The following CNTNAP3 variants were observed in gnomAD, a reference collection of about 807,000 sequenced individuals.
CNTNAP3 encodes contactin associated protein family member 3.
In CNTNAP3, 36 loss-of-function variants were observed where a neutral mutation model predicts 92.1. That is an observed-to-expected ratio of 0.39 (90% CI 0.30 to 0.52). The LOEUF is 0.52. Among genes scored for constraint, CNTNAP3 ranks in the 20% least tolerant of loss-of-function variants. The pLI is 0.76. For synonymous variants in CNTNAP3, 232 were observed against 422.3 expected (o/e 0.55, Z 5.53); for missense variants, 534 against 1,069.6 (o/e 0.50, Z 6.98).
intron 23 of CNTNAP3, among the ~76,000 whole-genome samples, chr9:39,075,051 A>T (rs536751845): frequency 1.3e-5 from 2 of 152,314 alleles, no homozygotes; most frequent in Non-Finnish European, 2.9e-5. Flanking sequence ...TACAGGCGTG[A>T]GCCACCGCGC....
intron 1 of CNTNAP3, among the ~76,000 whole-genome samples, chr9:39,283,832 G>GT (rs1380599833): frequency 2.2e-4 from 1 of 4,528 alleles, no homozygotes; most frequent in African/African-American, 2.4e-4. Context: ...TCTCATAACT[G>GT]TTTTTTTTTC....
At chr9:39,076,528 T>G (rs1177946471) in intron 23 of CNTNAP3, among the ~76,000 whole-genome samples, 40 of 152,354 alleles carry the variant, frequency 2.6e-4, no homozygotes, top group African/African-American at 9.1e-4. Context: ...ATTGAGATAG[T>G]GATGGAAATG....
In CNTNAP3 at chr9:39,100,054, G is replaced by A. The variant is rs201370424; in HGVS notation, c.2852C>T (p.Thr951Met). The change falls in exon 18 of 24, where the codon ACG becomes ATG. Residue 951 changes from threonine (T) to methionine (M), a missense_variant. By Grantham distance (81) the Thr-to-Met change is moderately conservative. Transcript: ENST00000297668. ...TGCACACCCTGGCTCCACTCCTGGC[G>A]TCACTGTGGCTCTTTCTTCCAGATC... The part of the protein sequence containing the change: ...ALDLEERATV[T>M]PGVEPGCAGH... 88 of 1,580,426 alleles carry A rather than the reference G, an allele frequency of 5.6e-5. 1 individual carries two copies. The highest frequency in any genetic ancestry group is 2.3e-4 in the Middle Eastern group (1 of 4,398).
At chr9:39,114,152 GGCTCACTGTAA>G (rs1341218586) in intron 14 of CNTNAP3, among the ~76,000 whole-genome samples, 2 of 142,222 alleles carry the variant, frequency 1.4e-5, no homozygotes, top group African/African-American at 5.3e-5. Context: ...GTGTGATCTT[GGCTCACTGTAA>G]GCTCTGCCTT....
At chr9:39,102,845 T>G in intron 16 of CNTNAP3, 130 bp from the exon 17 acceptor site, 2 of 1,309,498 alleles carry the variant, frequency 1.5e-6, no homozygotes, top group Non-Finnish European at 2.1e-6. Flanking sequence ...AAAACGGGAC[T>G]GTGAGTTGGG....
At chr9:39,123,122 T>A (rs1367697756) in intron 13 of CNTNAP3, among the ~76,000 whole-genome samples, 1 of 136,816 alleles carries the variant, frequency 7.3e-6, no homozygotes, top group Non-Finnish European at 1.5e-5. Context: ...TGAGATGGAG[T>A]CTCTCTCTGT....
At position 39,260,541 on chromosome 9, in the gene CNTNAP3, C is replaced by A. The variant is rs1224337979; in HGVS notation, c.196+6355G>T. On this transcript the variant is annotated intron_variant, in intron 2 of 23. Coordinates refer to ENST00000297668, the MANE Select transcript of CNTNAP3 (RefSeq NM_033655.5). Reference sequence around the variant, plus strand: ...CCATCCTGGCTAACATGGTGAAACCCCGTCTCTACTAAAAATACAAAAAAA... The same window carrying A: ...CCATCCTGGCTAACATGGTGAAACCACGTCTCTACTAAAAATACAAAAAAA... 1.2e-4 allele frequency among the ~76,000 whole-genome samples: 2 copies of A among 17,164 alleles called. 1 individual carries two copies. Among genetic ancestry groups the A allele is most frequent in the African/African-American group, 3.6e-4 (2 of 5,606 alleles). 11.3% of individuals were successfully genotyped at this position (17,164 alleles called of 152,430 possible).
intron 11 of CNTNAP3, among the ~76,000 whole-genome samples, chr9:39,143,658 T>C (rs574308032): frequency 6.6e-6 from 1 of 152,156 alleles, no homozygotes; most frequent in Non-Finnish European, 1.5e-5. Context: ...TTTACACTTA[T>C]TCACTTTACA....
chr9:39,117,449 T>C (rs1167431624), intron 14 of CNTNAP3, among the ~76,000 whole-genome samples: 1 of 152,102 alleles, frequency 6.6e-6, no homozygotes, highest in Non-Finnish European at 1.5e-5. Context: ...CAAAAAGAAC[T>C]TCTGAAAAAA....
chr9:39,124,075 A>C (rs1821100210), intron 13 of CNTNAP3, among the ~76,000 whole-genome samples: 1 of 152,076 alleles, frequency 6.6e-6, no homozygotes. Flanking sequence ...GCTCTAAATA[A>C]TACTAACAAT....
In CNTNAP3 at chr9:39,109,160, G is replaced by C. The variant is rs1183922955; in HGVS notation, c.2365C>G (p.Gln789Glu). The C allele has an allele frequency of 2.5e-6, 4 of 1,609,416 alleles. No homozygotes were observed. The highest frequency in any genetic ancestry group is 3.4e-6 in the Non-Finnish European group (4 of 1,178,802). ...AAAGCTTTTTCTTGACACTACTTAC[G>C]ATCTCCGCGGCAGAGCAGTGGCCCC... ...TLGPLLCRGD[Q>E]SFWNSASFNT... Residue 789 changes from glutamine (Q) to glutamate (E), a missense_variant and splice_region_variant, in exon 15 of 24, where the codon CAG (glutamine) becomes GAG (glutamate). Transcript: ENST00000297668.
Position 39,162,733 on chromosome 9 carries a change from T to C in CNTNAP3, c.1477+3200A>G, listed in dbSNP as rs1252292727. 4.2e-5 allele frequency among the ~76,000 whole-genome samples: 6 copies of C among 141,584 alleles called. 1 individual carries two copies. The highest frequency in any genetic ancestry group is 4.2e-4 in the East Asian group (2 of 4,784). 92.9% of individuals were successfully genotyped at this position (141,584 alleles called of 152,430 possible). On this transcript the variant is annotated intron_variant, in intron 9 of 23. Transcript: ENST00000297668. ...CACAGGAACAGAAAACCAAATACCA[T>C]GTATTCTGACTTAGGAGTGGGAGCT...
intron 14 of CNTNAP3, among the ~76,000 whole-genome samples, 192 bp from the exon 15 acceptor site, chr9:39,109,479 C>A (rs181652767): frequency 8.5e-5 from 13 of 152,172 alleles, no homozygotes; most frequent in African/African-American, 3.1e-4. Flanking sequence ...GTGTAAAGGA[C>A]CATACAGCAA....
chr9:39,134,347 A>C (rs2118058700), intron 12 of CNTNAP3, among the ~76,000 whole-genome samples: 1 of 152,184 alleles, frequency 6.6e-6, no homozygotes, highest in Non-Finnish European at 1.5e-5. Flanking sequence ...AGGAGGCTCT[A>C]AGTGTGCCTA....
rs1219916588 is a variant in CNTNAP3, at chr9:39,067,375, C to T, written c.*6515G>A. Among the ~76,000 whole-genome samples, 128 of 152,016 alleles carry T rather than the reference C, an allele frequency of 8.4e-4. No individual in the cohort carries two copies. The highest frequency in any genetic ancestry group is 2.7e-3 in the African/African-American group (112 of 41,256). On this transcript the variant is annotated 3_prime_UTR_variant, in exon 24 of 24. Transcript: ENST00000297668. ...CACTTGGTAATTTTTTATTGTATACCAGACATTGTGATTTTACCTCGTTGG... is the reference window on the plus strand; with the variant it reads ...CACTTGGTAATTTTTTATTGTATACTAGACATTGTGATTTTACCTCGTTGG...
Position 39,085,899 on chromosome 9 carries a change from G to A in CNTNAP3, c.3355-76C>T, listed in dbSNP as rs998645107. The A allele has an allele frequency of 1.5e-4, 190 of 1,282,662 alleles. 3 individuals are homozygous for A. The highest frequency in any genetic ancestry group is 1.9e-4 in the Non-Finnish European group (170 of 888,606). The allele number at this position is 1,282,662 out of a possible 1,614,324, so 79.5% of individuals were successfully genotyped here. A position where few individuals can be genotyped will look rare whatever the true frequency, so the allele number is the denominator to read the frequency against. ...TGATAAGGAAGCAAAGGAAGATGAG[G>A]AAAGGAAAGATGAAAATAAATCACT... On this transcript the variant is annotated intron_variant, in intron 20 of 23. Coordinates refer to ENST00000297668, the MANE Select transcript of CNTNAP3 (RefSeq NM_033655.5).
rs565127636 is a variant in CNTNAP3 at position 39,109,401 on chromosome 9, T to G, written c.2238-114A>C. The G allele has an allele frequency of 8.3e-4, 1,230 of 1,477,914 alleles. 8 individuals are homozygous for G. The African/African-American group carries it at 0.015, about 18-fold the overall frequency. The allele number at this position is 1,477,914 out of a possible 1,614,324, so 91.6% of individuals were successfully genotyped here. A position where few individuals can be genotyped will look rare whatever the true frequency, so the allele number is the denominator to read the frequency against. On this transcript the variant is annotated intron_variant, in intron 14 of 23. Coordinates refer to ENST00000297668, the MANE Select transcript of CNTNAP3 (RefSeq NM_033655.5). ...ACATCATAGAGCTTAACAGAATACT[T>G]AACATTTTCAATATTTTGAGAGCAC... is the stretch of plus-strand genomic sequence containing the variant.
In CNTNAP3 at chr9:39,067,908, T is replaced by C. The variant is rs1825544858; in HGVS notation, c.*5982A>G. Among the ~76,000 whole-genome samples the C allele has an allele frequency of 6.6e-6, 1 of 152,310 alleles. No individual in the cohort carries two copies. On this transcript the variant is annotated 3_prime_UTR_variant, in exon 24 of 24. Transcript: ENST00000297668. ...ATGCCCTATTAATTATGGGGATTTC[T>C]GGTATAGCCCATGGCAACCACCTCT...
chr9:39,151,398 C>CA lies in CNTNAP3; in HGVS notation c.1478-1422dup, dbSNP rs1188964475. ...TGAAACCCCGTCTCTACTAAAAATACAAAAAAAAATTAGCTGGGCGTGGTG... is the reference window on the plus strand; with the variant it reads ...TGAAACCCCGTCTCTACTAAAAATACAAAAAAAAAATTAGCTGGGCGTGGTG... On this transcript the variant is annotated intron_variant, in intron 9 of 23. Coordinates refer to ENST00000297668, the MANE Select transcript of CNTNAP3 (RefSeq NM_033655.5). 9.2e-4 allele frequency among the ~76,000 whole-genome samples: 129 copies of CA among 140,510 alleles called. 8 individuals carry two copies. The highest frequency in any genetic ancestry group is 3.5e-3 in the Middle Eastern group (1 of 286). The allele number at this position is 140,510 out of a possible 152,430, so 92.2% of individuals were successfully genotyped here. A position where few individuals can be genotyped will look rare whatever the true frequency, so the allele number is the denominator to read the frequency against.
Sources: allele counts gnomAD v4.1 joint callset (sites outside exome capture counted in the v4.1 genomes callset), GRCh38; gene constraint gnomAD v4.1.1; transcripts MANE v1.5; gene names NCBI Gene and HGNC (gene_info 2026-07-23, HGNC 2026-07-21).